Variants in CCDC39 observed in about 807,000 individuals in gnomAD.
CCDC39 encodes the protein coiled-coil domain-containing protein 39.
A neutral mutation model predicts 121.0 loss-of-function variants in CCDC39; 113 were observed. The ratio of observed to expected loss-of-function variants is 0.93; its 90% CI spans 0.80 to 1.09. The LOEUF is 1.09. Ranked by LOEUF, CCDC39 falls within the 50% of genes least tolerant of loss-of-function variation. CCDC39 has a pLI of 0.00. For synonymous variants in CCDC39, 349 were observed against 352.2 expected, an observed-to-expected ratio of 0.99 and a Z score of 0.10; for missense variants, 1,063 against 1,074.7, an observed-to-expected ratio of 0.99 and a Z score of 0.15.
chr3:180,658,830 C>T (rs1417686028), intron 6 of CCDC39, among the ~76,000 whole-genome samples: 1 of 152,154 alleles, frequency 6.6e-6, no homozygotes, highest in Non-Finnish European at 1.5e-5. Context: ...CATCTTCTCA[C>T]CTGACTCTGA....
chr3:180,637,329 A>G (rs1169488704), intron 13 of CCDC39, among the ~76,000 whole-genome samples: 1 of 152,202 alleles, frequency 6.6e-6, no homozygotes, highest in Admixed American at 6.5e-5. Flanking sequence ...AAAAAGCTCA[A>G]TAGATCTTTA....
chr3:180,620,943 G>A (rs1158223893), intron 14 of CCDC39, among the ~76,000 whole-genome samples: 2 of 151,870 alleles, frequency 1.3e-5, no homozygotes, highest in Admixed American at 6.6e-5. Context: ...TGAGTCTTCC[G>A]TGTCTATCAC....
chr3:180,663,951 T>C lies in CCDC39; in HGVS notation c.126A>G (p.Gln42=). 2 of 1,612,144 alleles carry C rather than the reference T, an allele frequency of 1.2e-6. No homozygotes were observed. Among genetic ancestry groups the C allele is most frequent in the East Asian group, 2.2e-5 (1 of 44,838 alleles). ...GCTCTTCATACTCACGTAACTCATC[T>C]TGCAAGCTTGCTCTTTCATCCTTCA... ...SKLKDERASL[Q]DELREYEERI... is the part of the protein sequence containing the mutation. Residue 42 remains glutamine (Q), a synonymous_variant, in exon 2 of 20, where the codon CAA becomes CAG. Coordinates refer to ENST00000476379, the MANE Select transcript of CCDC39 (RefSeq NM_181426.2).
intron 14 of CCDC39, among the ~76,000 whole-genome samples, chr3:180,627,841 G>GAT (rs1377313766): frequency 1.4e-4 from 21 of 152,176 alleles, no homozygotes; most frequent in Admixed American, 5.9e-4. Flanking sequence ...CTTATAAGAA[G>GAT]ATATGTTGAT....
At chr3:180,624,553 T>C (rs1717513142) in intron 14 of CCDC39, among the ~76,000 whole-genome samples, 1 of 152,214 alleles carries the variant, frequency 6.6e-6, no homozygotes, top group Non-Finnish European at 1.5e-5. Context: ...TGCCTTTCTC[T>C]TCCTCTTTTG....
Position 180,667,878 on chromosome 3 carries a change from A to G in CCDC39, c.91-3892T>C, listed in dbSNP as rs140354245. Among the ~76,000 whole-genome samples the G allele has an allele frequency of 8.8e-3, 1,342 of 152,332 alleles. 25 individuals are homozygous for G. Among genetic ancestry groups the G allele is most frequent in the African/African-American group, 0.031 (1,276 of 41,572 alleles). On this transcript the variant is annotated intron_variant, in intron 1 of 19. Transcript: ENST00000476379. ...AATTAAAAGTGCTGCTCCCTTGAAC[A>G]CACAAATGATAAGAAAGCAAAATAG...
rs1247585214 is a variant in CCDC39, at chr3:180,631,341, T to C, written c.1998+128A>G. On this transcript the variant is annotated intron_variant, in intron 14 of 19. Transcript: ENST00000476379. Reference sequence around the variant, plus strand: ...TAATAGTGGCCCTAATTAAGTGAAATAGTTGCTAGATTTCATGGAGGGAAA... The same window carrying C: ...TAATAGTGGCCCTAATTAAGTGAAACAGTTGCTAGATTTCATGGAGGGAAA... 1.2e-5 allele frequency: 10 copies of C among 841,330 alleles called. No individual in the cohort carries two copies. In the East Asian group the frequency reaches 1.5e-4, roughly 12 times the overall value. The allele number at this position is 841,330 out of a possible 1,614,324, so 52.1% of individuals were successfully genotyped here.
intron 11 of CCDC39, among the ~76,000 whole-genome samples, chr3:180,644,502 C>A (rs1718028543): frequency 6.6e-6 from 1 of 152,098 alleles, no homozygotes; most frequent in Non-Finnish European, 1.5e-5. Flanking sequence ...TAATTCTAGG[C>A]AATACATAAC....
At chr3:180,623,080 TA>T (rs1162015996) in intron 14 of CCDC39, among the ~76,000 whole-genome samples, 3 of 70,376 alleles carry the variant, frequency 4.3e-5, no homozygotes, top group African/African-American at 7.7e-5. Context: ...TGGAGATTTT[TA>T]TTATTATTAT....
chr3:180,674,675 A>G (rs1364693740), intron 1 of CCDC39, among the ~76,000 whole-genome samples: 1 of 152,066 alleles, frequency 6.6e-6, no homozygotes, highest in African/African-American at 2.4e-5. Flanking sequence ...TTTATTGAGA[A>G]TTTTTAGCAT....
At chr3:180,662,075 A>G in intron 2 of CCDC39, 68 bp from the exon 3 acceptor site, 1 of 1,408,066 alleles carries the variant, frequency 7.1e-7, no homozygotes, top group Non-Finnish European at 9.6e-7. Context: ...AATATTTATA[A>G]TAATCCATTA....
At chr3:180,652,307 GTA>G in intron 7 of CCDC39, 41 bp from the exon 8 acceptor site, 1 of 1,165,334 alleles carries the variant, frequency 8.6e-7, no homozygotes, top group South Asian at 1.6e-5. Context: ...TATTTACTCT[GTA>G]TCTTATAACT....
At chr3:180,659,898 A>G (rs1378777865) in intron 4 of CCDC39, 129 bp from the exon 5 acceptor site, 20 of 539,914 alleles carry the variant, frequency 3.7e-5, no homozygotes, top group Non-Finnish European at 4.4e-5. Flanking sequence ...CTGTGAAATA[A>G]TAAATATCTT....
chr3:180,640,638 T>C (rs1342211391), intron 13 of CCDC39, among the ~76,000 whole-genome samples: 1 of 151,980 alleles, frequency 6.6e-6, no homozygotes, highest in African/African-American at 2.4e-5. Flanking sequence ...ACTAATAAAA[T>C]TATAAACAAC....
rs539903462 is a variant in CCDC39, at chr3:180,672,105, G to A, written c.90+7186C>T. Among the ~76,000 whole-genome samples the A allele has an allele frequency of 7.2e-4, 109 of 152,246 alleles. 1 individual carries two copies. Among genetic ancestry groups the A allele is most frequent in the South Asian group, 1.2e-3 (6 of 4,824 alleles). On this transcript the variant is annotated intron_variant, in intron 1 of 19. Transcript: ENST00000476379. ...TTGACTCTTAGGGGCTAATGCAGCCGGTGACTTTAAGTTGAAGCCAACACT... is the reference window on the plus strand; with the variant it reads ...TTGACTCTTAGGGGCTAATGCAGCCAGTGACTTTAAGTTGAAGCCAACACT...
At chr3:180,650,468 T>C (rs1718173815) in intron 9 of CCDC39, among the ~76,000 whole-genome samples, 1 of 152,160 alleles carries the variant, frequency 6.6e-6, no homozygotes, top group South Asian at 2.1e-4. Flanking sequence ...ACTATTTGTA[T>C]GCAATATACA....
chr3:180,627,752 G>A (rs1329154447), intron 14 of CCDC39, among the ~76,000 whole-genome samples: 2 of 152,164 alleles, frequency 1.3e-5, no homozygotes, highest in Non-Finnish European at 2.9e-5. Context: ...AAAAAGCCAT[G>A]TATGCCCCAT....
chr3:180,676,456 C>T (rs1172619649), intron 1 of CCDC39, among the ~76,000 whole-genome samples: 2 of 152,200 alleles, frequency 1.3e-5, no homozygotes, highest in African/African-American at 4.8e-5. Flanking sequence ...TCATCTCACA[C>T]CAGTTAGAAT....
At chr3:180,660,231 A>T (rs1354313896) in intron 4 of CCDC39, among the ~76,000 whole-genome samples, 1 of 152,098 alleles carries the variant, frequency 6.6e-6, no homozygotes, top group Non-Finnish European at 1.5e-5. Context: ...CAAAATAGCT[A>T]AAATATATTA....
Sources: allele counts gnomAD v4.1 joint callset (sites outside exome capture counted in the v4.1 genomes callset), GRCh38; gene constraint gnomAD v4.1.1; transcripts MANE v1.5; gene names NCBI Gene and HGNC (gene_info 2026-07-23, HGNC 2026-07-21).